Variants in SNX12 observed in about 807,000 individuals in gnomAD.
SNX12 encodes the protein sorting nexin 12.
For synonymous variants in SNX12, 47 were observed against 56.0 expected (o/e 0.84, Z 0.71); for missense variants, 62 against 141.3 (o/e 0.44, Z 2.84).
At position 71,060,946 on chromosome X, in the gene SNX12, G is replaced by A; in HGVS notation, c.*70C>T. ...GGCAGCCAACTTCAGATCAAAGACA[G>A]AGAGAGGCTTAGTGTAAAAACCAAT... On this transcript the variant is annotated 3_prime_UTR_variant, in exon 4 of 4. Transcript: ENST00000374274. 2 of 838,994 alleles carry A rather than the reference G, an allele frequency of 2.4e-6. No homozygotes were observed. Among genetic ancestry groups the A allele is most frequent in the South Asian group, 4.4e-5 (2 of 45,863 alleles). 69.1% of individuals were successfully genotyped at this position (838,994 alleles called of 1,213,427 possible). A position where few individuals can be genotyped will look rare whatever the true frequency, so the allele number is the denominator to read the frequency against.
At chrX:71,061,822 G>C in intron 3 of SNX12, 21 bp downstream of exon 3, 1 of 1,197,994 alleles carries the variant, frequency 8.3e-7, no homozygotes, top group South Asian at 1.8e-5. Context: ...AGCAAGTGGA[G>C]CCCCCAGGAA....
In SNX12 at chrX:71,068,301, C is replaced by T. The variant is rs1319218139; in HGVS notation, c.6G>A (p.Ser2=). The T allele has an allele frequency of 2.4e-5, 29 of 1,195,653 alleles. No homozygotes were observed. The highest frequency in any genetic ancestry group is 3.3e-5 in the Non-Finnish European group (29 of 887,644). Residue 2 remains serine (S), a synonymous_variant, in exon 1 of 4, where the codon TCG becomes TCA. Transcript: ENST00000374274. The part of the protein sequence containing the change: M[S]DTAVADTRRL... ...GCCGGGTATCAGCTACTGCCGTGTC[C>T]GACATCTTTCCGAAGGAGAGCCTGG...
At chrX:71,070,882 C>T (rs1331107503), upstream of SNX12, among the ~76,000 whole-genome samples, 4 of 110,855 alleles carry the variant, frequency 3.6e-5, no homozygotes, top group African/African-American at 1.3e-4. Context: ...AAGTCACAGA[C>T]GGCAGGGAGG....
At position 71,060,642 on chromosome X, in the gene SNX12, T is replaced by G; in HGVS notation, c.*374A>C. On this transcript the variant is annotated 3_prime_UTR_variant, in exon 4 of 4. Transcript: ENST00000374274. ...CAGTGTTCTTGGTTAAACCTAAGAG[T>G]AAGAAAAATCCCCTGAACTTGCAGC... 3 of 161,371 alleles carry G rather than the reference T, an allele frequency of 1.9e-5. No homozygotes were observed. The highest frequency in any genetic ancestry group is 3.5e-5 in the Non-Finnish European group (3 of 84,905). 13.3% of individuals were successfully genotyped at this position (161,371 alleles called of 1,213,427 possible). A position where few individuals can be genotyped will look rare whatever the true frequency, so the allele number is the denominator to read the frequency against.
At chrX:71,071,715 T>C (rs2092174590), upstream of SNX12, among the ~76,000 whole-genome samples, 1 of 74,749 alleles carries the variant, frequency 1.3e-5, no homozygotes, top group Non-Finnish European at 2.3e-5. Context: ...TATAGATATA[T>C]AAATATATAT....
Position 71,060,769 on chromosome X carries a change from T to TTC in SNX12, c.*246_*247insGA. ...CCCAAGAAATTGCCTTCCAGTCTAATCCCCCCACCCACCCACCCCAACCCC... is the reference window on the plus strand; with the variant it reads ...CCCAAGAAATTGCCTTCCAGTCTAATTCCCCCCCACCCACCCACCCCAACCCC... On this transcript the variant is annotated 3_prime_UTR_variant, in exon 4 of 4. Coordinates refer to ENST00000374274, the MANE Select transcript of SNX12 (RefSeq NM_013346.4). 1 of 82,563 alleles carries TTC rather than the reference T, an allele frequency of 1.2e-5. No individual in the cohort carries two copies. The highest frequency in any genetic ancestry group is 2.3e-5 in the Non-Finnish European group (1 of 43,405). 6.8% of individuals were successfully genotyped at this position (82,563 alleles called of 1,213,427 possible). A position where few individuals can be genotyped will look rare whatever the true frequency, so the allele number is the denominator to read the frequency against.
At chrX:71,061,500 A>T (rs2092131141) in intron 3 of SNX12, among the ~76,000 whole-genome samples, 1 of 112,211 alleles carries the variant, frequency 8.9e-6, no homozygotes, top group Non-Finnish European at 1.9e-5. Context: ...TGGGAGGCCA[A>T]GGCAGGTGGA....
upstream of SNX12, among the ~76,000 whole-genome samples, chrX:71,073,004 C>T (rs1254627653): frequency 1.0e-5 from 1 of 99,454 alleles, no homozygotes; most frequent in Non-Finnish European, 2.0e-5. Flanking sequence ...GGGTGAAACA[C>T]AGTTATCCTC....
chrX:71,065,165 T>A (rs2092146933), intron 1 of SNX12, among the ~76,000 whole-genome samples: 1 of 105,663 alleles, frequency 9.5e-6, no homozygotes, highest in South Asian at 4.1e-4. Flanking sequence ...AGGTCAGGAG[T>A]TCGAGACCAG....
In SNX12 at chrX:71,060,325, A is replaced by C. The variant is rs1005168059; in HGVS notation, c.*691T>G. ...GCTAGAGTGGGAGCCACAAAGGGAG[A>C]GGGGCTAGGCAATAGGAGCTCCCCT... On this transcript the variant is annotated 3_prime_UTR_variant, in exon 4 of 4. Coordinates refer to ENST00000374274, the MANE Select transcript of SNX12 (RefSeq NM_013346.4). The C allele has an allele frequency of 5.4e-5, 6 of 111,247 alleles. No individual in the cohort carries two copies. The highest frequency in any genetic ancestry group is 2.0e-4 in the African/African-American group (6 of 30,575). The allele number at this position is 111,247 out of a possible 1,213,427, so 9.2% of individuals were successfully genotyped here. A position where few individuals can be genotyped will look rare whatever the true frequency, so the allele number is the denominator to read the frequency against.
chrX:71,063,527 TATTA>T (rs2092140082), intron 1 of SNX12, among the ~76,000 whole-genome samples: 1 of 110,248 alleles, frequency 9.1e-6, no homozygotes, highest in Non-Finnish European at 1.9e-5. Context: ...CACTGCATTT[TATTA>T]TTTATAATAA....
chrX:71,061,823 C>A lies in SNX12; in HGVS notation c.386+20G>T. 8.4e-7 allele frequency: 1 copy of A among 1,197,197 alleles called. No individual in the cohort carries two copies. The highest frequency in any genetic ancestry group is 1.8e-5 in the South Asian group (1 of 55,152). ...ACGATGGCAAAAGTAGCAAGTGGAG[C>A]CCCCAGGAACTTGGCTTACTTGTTA... On this transcript the variant is annotated intron_variant, in intron 3 of 3. Coordinates refer to ENST00000374274, the MANE Select transcript of SNX12 (RefSeq NM_013346.4).
upstream of SNX12, chrX:71,068,542 G>A (rs184701962): frequency 1.9e-4 from 50 of 265,189 alleles, no homozygotes; most frequent in African/African-American, 1.4e-3. Context: ...TCAGGCTTCC[G>A]GGTGATGTTT....
Position 71,059,430 on chromosome X carries a change from G to A in SNX12, c.*1586C>T, listed in dbSNP as rs1472609540. ...GTTTTTAAAAAATGTCTATAACAGAGGATACAAATCAAAAAGGCAGCAACA... is the reference window on the plus strand; with the variant it reads ...GTTTTTAAAAAATGTCTATAACAGAAGATACAAATCAAAAAGGCAGCAACA... On this transcript the variant is annotated 3_prime_UTR_variant, in exon 4 of 4. Coordinates refer to ENST00000374274, the MANE Select transcript of SNX12 (RefSeq NM_013346.4). 9.0e-6 allele frequency: 1 copy of A among 111,662 alleles called. No homozygotes were observed. The highest frequency in any genetic ancestry group is 2.8e-4 in the East Asian group (1 of 3,553). 9.2% of individuals were successfully genotyped at this position (111,662 alleles called of 1,213,427 possible).
Position 71,059,604 on chromosome X carries a change from C to T in SNX12, c.*1412G>A, listed in dbSNP as rs779677144. ...CTATGTCAAAATACAATCCTAATCT[C>T]TCTGATCAGGGTCAGTCAGAATCAG... On this transcript the variant is annotated 3_prime_UTR_variant, in exon 4 of 4. Transcript: ENST00000374274. 1 of 111,118 alleles carries T rather than the reference C, an allele frequency of 9.0e-6. No homozygotes were observed. Among genetic ancestry groups the T allele is most frequent in the South Asian group, 3.8e-4 (1 of 2,646 alleles). 9.2% of individuals were successfully genotyped at this position (111,118 alleles called of 1,213,427 possible).
At chrX:71,069,809 C>G (rs1254262103), upstream of SNX12, among the ~76,000 whole-genome samples, 1 of 110,782 alleles carries the variant, frequency 9.0e-6, no homozygotes, top group Non-Finnish European at 1.9e-5. Flanking sequence ...GGCATGGTGG[C>G]ACACGCCTGT....
Position 71,060,905 on chromosome X carries a change from A to C in SNX12, c.*111T>G. On this transcript the variant is annotated 3_prime_UTR_variant, in exon 4 of 4. Coordinates refer to ENST00000374274, the MANE Select transcript of SNX12 (RefSeq NM_013346.4). Reference sequence around the variant, plus strand: ...CAGGGAGCACAATGCCAGACAGTCTATCAGGCCAGGAGATGGGCAGCCAAC... The same window carrying C: ...CAGGGAGCACAATGCCAGACAGTCTCTCAGGCCAGGAGATGGGCAGCCAAC... The C allele has an allele frequency of 1.8e-6, 1 of 548,144 alleles. No homozygotes were observed. Among genetic ancestry groups the C allele is most frequent in the Non-Finnish European group, 3.1e-6 (1 of 320,166 alleles). 45.2% of individuals were successfully genotyped at this position (548,144 alleles called of 1,213,427 possible). A position where few individuals can be genotyped will look rare whatever the true frequency, so the allele number is the denominator to read the frequency against.
upstream of SNX12, among the ~76,000 whole-genome samples, chrX:71,071,961 A>G (rs748245912): frequency 9.1e-6 from 1 of 109,776 alleles, no homozygotes; most frequent in African/African-American, 3.3e-5. Context: ...CAGGCACAGA[A>G]AAGAACAGCT....
At chrX:71,062,364 CTTTCTT>C (rs1285239224) in intron 2 of SNX12, among the ~76,000 whole-genome samples, 1 of 87,564 alleles carries the variant, frequency 1.1e-5, no homozygotes, top group African/African-American at 5.3e-5. Context: ...GAACTTACCA[CTTTCTT>C]TTTTTTTTTT....
Sources: gnomAD v4.1 joint callset for allele counts (sites outside exome capture counted in the v4.1 genomes callset) on GRCh38, gnomAD v4.1.1 for gene constraint, MANE v1.5 for transcripts, NCBI Gene and HGNC (gene_info 2026-07-23, HGNC 2026-07-21) for gene names.